The following NCALD variants were observed in gnomAD, a reference collection of about 807,000 sequenced individuals.
NCALD encodes the protein neurocalcin delta.
Under a neutral mutation model 18.6 loss-of-function variants are expected in NCALD, and 10 were observed. The observed-to-expected ratio is 0.54, with a 90% CI of 0.33 to 0.91. The LOEUF (loss-of-function observed/expected upper bound fraction) is 0.91. Among genes scored for constraint, NCALD ranks in the 40% least tolerant of loss-of-function variants. NCALD has a pLI of 0.03. For missense variants in NCALD, 184 were observed against 247.6 expected, an observed-to-expected ratio of 0.74 and a Z score of 1.72; for synonymous variants, 88 against 87.4, an observed-to-expected ratio of 1.01 and a Z score of -0.04.
At chr8:101,806,445 C>T (rs1282447938) in intron 4 of NCALD, among the ~76,000 whole-genome samples, 1 of 151,934 alleles carries the variant, frequency 6.6e-6, no homozygotes, top group Non-Finnish European at 1.5e-5. Context: ...GAAAATCATA[C>T]TTTATGAAGT....
intron 2 of NCALD, among the ~76,000 whole-genome samples, chr8:101,968,672 C>T (rs943974192): frequency 5.3e-5 from 8 of 152,132 alleles, no homozygotes; most frequent in African/African-American, 1.7e-4. Context: ...GTTTCTTTCC[C>T]TACTTCCTGT....
chr8:101,930,505 C>T (rs1818534173), intron 2 of NCALD, among the ~76,000 whole-genome samples: 1 of 152,014 alleles, frequency 6.6e-6, no homozygotes, highest in African/African-American at 2.4e-5. Context: ...CCTGAGCTCA[C>T]AGTGCCTCCG....
At chr8:101,849,797 T>A (rs531923613) in intron 4 of NCALD, among the ~76,000 whole-genome samples, 1 of 152,314 alleles carries the variant, frequency 6.6e-6, no homozygotes, top group East Asian at 1.9e-4. Context: ...TTTGCTGCCA[T>A]GACTGGCATT....
At chr8:101,915,545 T>C (rs575029903) in intron 3 of NCALD, 1 of 152,280 alleles carries the variant, frequency 6.6e-6, no homozygotes, top group South Asian at 2.1e-4. Context: ...CTCCACTGAG[T>C]GGTTGCAAAT....
At chr8:101,795,534 C>T (rs1812607266), upstream of NCALD, among the ~76,000 whole-genome samples, 1 of 152,114 alleles carries the variant, frequency 6.6e-6, no homozygotes, top group Admixed American at 6.5e-5. Context: ...CTATTTAGGG[C>T]CTCTTTTATA....
intron 1 of NCALD, among the ~76,000 whole-genome samples, chr8:101,743,327 G>A (rs1033728757): frequency 1.3e-5 from 2 of 152,160 alleles, no homozygotes; most frequent in African/African-American, 4.8e-5. Flanking sequence ...TGGTCAGCTG[G>A]TAGAGCAGAT....
intron 1 of NCALD, among the ~76,000 whole-genome samples, chr8:101,748,118 C>A (rs918699782): frequency 1.3e-5 from 2 of 152,182 alleles, no homozygotes; most frequent in South Asian, 2.1e-4. Context: ...TGAAATGAGA[C>A]ATTTTCCTTT....
chr8:101,767,451 A>G (rs1292098784), intron 1 of NCALD, among the ~76,000 whole-genome samples: 5 of 152,222 alleles, frequency 3.3e-5, no homozygotes, highest in Non-Finnish European at 7.3e-5. Context: ...TTGAGAATGA[A>G]GCTGAAGCCA....
chr8:101,919,662 A>G (rs1190768214), intron 2 of NCALD, among the ~76,000 whole-genome samples: 1 of 152,108 alleles, frequency 6.6e-6, no homozygotes, highest in Non-Finnish European at 1.5e-5. Context: ...AGAATCTATA[A>G]GGAGCTTAAA....
intron 1 of NCALD, among the ~76,000 whole-genome samples, chr8:101,745,238 C>T (rs1274469317): frequency 6.6e-6 from 1 of 152,126 alleles, no homozygotes; most frequent in African/African-American, 2.4e-5. Flanking sequence ...ACCATTTTAG[C>T]CTGTCATCTC....
intron 4 of NCALD, among the ~76,000 whole-genome samples, chr8:101,821,816 A>G (rs1263842333): frequency 6.6e-6 from 1 of 151,554 alleles, no homozygotes; most frequent in Non-Finnish European, 1.5e-5. Context: ...GGGGAAAAAA[A>G]CCACTTTGGC....
intron 3 of NCALD, among the ~76,000 whole-genome samples, chr8:101,914,898 G>T (rs1817923226): frequency 6.6e-6 from 1 of 152,168 alleles, no homozygotes; most frequent in Non-Finnish European, 1.5e-5. Flanking sequence ...TAGAAACCAA[G>T]ATCTGGGAAA....
intron 1 of NCALD, among the ~76,000 whole-genome samples, chr8:101,778,095 T>C (rs1188424918): frequency 6.6e-6 from 1 of 152,184 alleles, no homozygotes; most frequent in Non-Finnish European, 1.5e-5. Flanking sequence ...TACATAAAAG[T>C]AGTTCATCCC....
At chr8:101,705,013 T>C (rs1815443359) in intron 2 of NCALD, among the ~76,000 whole-genome samples, 6 of 151,260 alleles carry the variant, frequency 4.0e-5, no homozygotes, top group Admixed American at 4.0e-4. Context: ...ATCACAAGGT[T>C]AGGAGTTCGA....
At chr8:101,741,587 A>G (rs1293963979) in intron 1 of NCALD, among the ~76,000 whole-genome samples, 2 of 151,862 alleles carry the variant, frequency 1.3e-5, no homozygotes, top group Non-Finnish European at 1.5e-5. Flanking sequence ...CTATAATCAA[A>G]TTCAGCTTTA....
intron 2 of NCALD, among the ~76,000 whole-genome samples, chr8:101,695,293 G>A (rs1368779218): frequency 1.3e-5 from 2 of 152,100 alleles, no homozygotes; most frequent in Non-Finnish European, 2.9e-5. Flanking sequence ...AGTTTTAAGG[G>A]GGCTGTGTAT....
At chr8:102,008,494 A>C (rs549538055) in intron 2 of NCALD, among the ~76,000 whole-genome samples, 1 of 146,372 alleles carries the variant, frequency 6.8e-6, no homozygotes, top group African/African-American at 2.5e-5. Context: ...AAAAAAAAAG[A>C]CATGCAAGAT....
At chr8:102,017,073 G>A (rs369428049) in intron 2 of NCALD, among the ~76,000 whole-genome samples, 32 of 152,186 alleles carry the variant, frequency 2.1e-4, no homozygotes, top group Middle Eastern at 3.4e-3. Flanking sequence ...AATTGAAATC[G>A]AAAGAGAAAG....
intron 2 of NCALD, among the ~76,000 whole-genome samples, chr8:101,924,053 T>TC (rs1818257255): frequency 1.3e-5 from 2 of 152,172 alleles, no homozygotes; most frequent in Admixed American, 1.3e-4. Context: ...AATAGGCAGT[T>TC]CTTCAGCCTA....
Sources: allele counts gnomAD v4.1 joint callset (sites outside exome capture counted in the v4.1 genomes callset), GRCh38; gene constraint gnomAD v4.1.1; transcripts MANE v1.5; gene names NCBI Gene and HGNC (gene_info 2026-07-23, HGNC 2026-07-21).